The following ARHGEF2 variants were observed in gnomAD, a reference collection of about 807,000 sequenced individuals.
ARHGEF2 encodes the protein Rho/Rac guanine nucleotide exchange factor 2.
In ARHGEF2, 22 loss-of-function variants were observed where a neutral mutation model predicts 121.0. The ratio of observed to expected loss-of-function variants is 0.18; its 90% confidence interval spans 0.13 to 0.26. The LOEUF is 0.26. ARHGEF2 is among the 10% of genes least tolerant of loss of function. The pLI, the probability that ARHGEF2 is intolerant of heterozygous loss-of-function variation, is 1.00. For missense variants in ARHGEF2, 907 were observed against 1,336.0 expected, an observed-to-expected ratio of 0.68 and a Z score of 5.01; for synonymous variants, 487 against 530.0, an observed-to-expected ratio of 0.92 and a Z score of 1.11.
At chr1:155,952,591 T>C in intron 15 of ARHGEF2, 37 bp downstream of exon 15, 3 of 1,576,628 alleles carry the variant, frequency 1.9e-6, no homozygotes, top group Non-Finnish European at 2.6e-6. Flanking sequence ...TGACGGTGAG[T>C]GCTTGAGCCT....
At position 155,978,257 on chromosome 1, in the gene ARHGEF2, AT is replaced by A. The variant is rs1681687605; in HGVS notation, c.63+107del. 5 of 1,134,254 alleles carry A rather than the reference AT, an allele frequency of 4.4e-6. No homozygotes were observed. The highest frequency in any genetic ancestry group is 4.5e-6 in the Non-Finnish European group (4 of 893,286). The allele number at this position is 1,134,254 out of a possible 1,614,324, so 70.3% of individuals were successfully genotyped here. A position where few individuals can be genotyped will look rare whatever the true frequency, so the allele number is the denominator to read the frequency against. ...GCTCGCCGATCCACCGCTCCGCCCG[AT>A]TTTGGCGCCCAGAAAGCAGGCGGGG... On this transcript the variant is annotated intron_variant, in intron 1 of 21. Coordinates refer to ENST00000361247, the MANE Select transcript of ARHGEF2 (RefSeq NM_001162383.2). This position sits in a 1 kb window ranked among gnomAD's most constrained non-coding sequence, Gnocchi z 4.1.
chr1:155,978,410 G>A lies in ARHGEF2; in HGVS notation c.18C>T (p.Ser6=), dbSNP rs1681726757. The A allele has an allele frequency of 2.0e-6, 3 of 1,516,138 alleles. No homozygotes were observed. Among genetic ancestry groups the A allele is most frequent in the African/African-American group, 2.8e-5 (2 of 71,820 alleles). The allele number at this position is 1,516,138 out of a possible 1,614,324, so 93.9% of individuals were successfully genotyped here. ...TCCGGTCGATCCGCGCCCGCGTGAG[G>A]GATTCGATCCGAGACATAATCGGAC... The part of the protein sequence containing the change: MSRIE[S]LTRARIDRSR... Residue 6 remains serine, a synonymous_variant, in exon 1 of 22, where the codon TCC becomes TCT. Coordinates refer to ENST00000361247, the MANE Select transcript of ARHGEF2 (RefSeq NM_001162383.2). The surrounding 1 kb of genome is among the most constrained non-coding windows in gnomAD (Gnocchi z 4.1).
chr1:155,977,826 C>CT (rs1681569314), intron 1 of ARHGEF2, among the ~76,000 whole-genome samples: 1 of 152,170 alleles, frequency 6.6e-6, no homozygotes, highest in Non-Finnish European at 1.5e-5. Flanking sequence ...AGAGGAGGAG[C>CT]TGACTTTTGT....
intron 14 of ARHGEF2, 53 bp downstream of exon 14, chr1:155,954,849 C>A: frequency 6.6e-7 from 1 of 1,507,664 alleles, no homozygotes; most frequent in Non-Finnish European, 9.2e-7. Flanking sequence ...CATAATATTC[C>A]ATTGTGTGAA....
upstream of ARHGEF2, chr1:155,979,014 A>G: frequency 3.0e-6 from 3 of 985,528 alleles, no homozygotes; most frequent in Non-Finnish European, 3.6e-6. Context: ...CCATCAAAGC[A>G]GGCCTGAGCA....
Position 155,965,724 on chromosome 1 carries a change from G to C in ARHGEF2, c.377C>G (p.Pro126Arg). 6.2e-7 allele frequency: 1 copy of C among 1,603,718 alleles called. No individual in the cohort carries two copies. The highest frequency in any genetic ancestry group is 8.5e-7 in the Non-Finnish European group (1 of 1,177,598). Residue 126 changes from proline to arginine, a missense_variant, in exon 5 of 22, where the codon CCC (proline) becomes CGC (arginine). This residue lies in a region of ARHGEF2 where 475 missense variants were observed against 776.5 expected (regional missense o/e 0.61). Coordinates refer to ENST00000361247, the MANE Select transcript of ARHGEF2 (RefSeq NM_001162383.2). The surrounding 1 kb of genome is among the most constrained non-coding windows in gnomAD (Gnocchi z 6.0). ...GAGGGACTGCCGGAAGCTGTCGGAG[G>C]GGTAGATGGCCGAGCTTGGCCGCTC... ...IRERPSSAIYPSDSFRQSLLG... is the reference protein window; with the variant it reads ...IRERPSSAIYRSDSFRQSLLG...
In ARHGEF2 at chr1:155,962,754, C is replaced by A; in HGVS notation, c.976-36G>T. Reference sequence around the variant, plus strand: ...GTCGAGTAAGGTTAGGTCAGCATTCCCCCAAAGCCACACTTTACCCACTGG... The same window carrying A: ...GTCGAGTAAGGTTAGGTCAGCATTCACCCAAAGCCACACTTTACCCACTGG... On this transcript the variant is annotated intron_variant, in intron 8 of 21. Coordinates refer to ENST00000361247, the MANE Select transcript of ARHGEF2 (RefSeq NM_001162383.2). The surrounding 1 kb of genome is among the most constrained non-coding windows in gnomAD (Gnocchi z 5.8). 6.2e-7 allele frequency: 1 copy of A among 1,613,064 alleles called. No individual in the cohort carries two copies. Among genetic ancestry groups the A allele is most frequent in the South Asian group, 1.1e-5 (1 of 90,940 alleles).
At chr1:155,956,866 C>T (rs1357631432) in intron 13 of ARHGEF2, among the ~76,000 whole-genome samples, 4 of 128,298 alleles carry the variant, frequency 3.1e-5, no homozygotes, top group South Asian at 2.5e-4. Context: ...TGAGGCAGCC[C>T]GGCAACAGAG....
chr1:155,957,677 G>A (rs1419110821), intron 13 of ARHGEF2, 36 bp downstream of exon 13: 15 of 1,583,028 alleles, frequency 9.5e-6, no homozygotes, highest in African/African-American at 1.3e-5. Context: ...GTACCCTGAG[G>A]TCATAAGCAC....
In ARHGEF2 at chr1:155,950,275, T is replaced by G. The variant is rs781313202; in HGVS notation, c.2887+24A>C. ...TACCCAGGCTGCACTCTACCTCTGG[T>G]CCATGTCTCCGCCAGGGTCTCACCT... is the stretch of plus-strand genomic sequence containing the variant. On this transcript the variant is annotated intron_variant, in intron 21 of 21. Coordinates refer to ENST00000361247, the MANE Select transcript of ARHGEF2 (RefSeq NM_001162383.2). This position sits in a 1 kb window ranked among gnomAD's most constrained non-coding sequence, Gnocchi z 5.2. The G allele has an allele frequency of 8.1e-6, 13 of 1,609,040 alleles. No individual in the cohort carries two copies. The highest frequency in any genetic ancestry group is 1.3e-5 in the African/African-American group (1 of 74,864).
chr1:155,952,620 T>G lies in ARHGEF2; in HGVS notation c.1984+8A>C, dbSNP rs1013823206. ...TGAGCCTGGACTCTTCCCTGGGAGCTCCCTCACCCTCACGGATGGCATCCT... is the reference window on the plus strand; with the variant it reads ...TGAGCCTGGACTCTTCCCTGGGAGCGCCCTCACCCTCACGGATGGCATCCT... On this transcript the variant is annotated splice_region_variant and intron_variant, in intron 15 of 21. Coordinates refer to ENST00000361247, the MANE Select transcript of ARHGEF2 (RefSeq NM_001162383.2). 34 of 1,605,036 alleles carry G rather than the reference T, an allele frequency of 2.1e-5. No individual in the cohort carries two copies. The highest frequency in any genetic ancestry group is 1.9e-4 in the Admixed American group (11 of 59,426).
rs373544686 is a variant in ARHGEF2, at chr1:155,962,139, C to T, written c.1185G>A (p.Pro395=). The change falls in exon 10 of 22, where the codon CCG becomes CCA. Residue 395 remains proline (P), a synonymous_variant. Coordinates refer to ENST00000361247, the MANE Select transcript of ARHGEF2 (RefSeq NM_001162383.2). This position sits in a 1 kb window ranked among gnomAD's most constrained non-coding sequence, Gnocchi z 5.8. Reference sequence around the variant, plus strand: ...GCTGCAGGATGCGGCTGATGAGTAACGGGTACTTGGTGATGCGCTGAGTCA... The same window carrying T: ...GCTGCAGGATGCGGCTGATGAGTAATGGGTACTTGGTGATGCGCTGAGTCA... The part of the protein sequence containing the change: ...LLVTQRITKY[P]LLISRILQHS... 4.0e-4 allele frequency: 640 copies of T among 1,614,086 alleles called. No homozygotes were observed. The highest frequency in any genetic ancestry group is 4.9e-4 in the Non-Finnish European group (584 of 1,180,054).
In ARHGEF2 at chr1:155,947,638, C is replaced by T. The variant is rs1188651164; in HGVS notation, c.*304G>A. On this transcript the variant is annotated 3_prime_UTR_variant, in exon 22 of 22. Coordinates refer to ENST00000361247, the MANE Select transcript of ARHGEF2 (RefSeq NM_001162383.2). ...TGGCTTGGTTCCCATGTCCCTGGTC[C>T]TTTAAATCTCCCCTCTCCCCCCATA... 5.2e-6 allele frequency: 2 copies of T among 385,334 alleles called. No homozygotes were observed. Among genetic ancestry groups the T allele is most frequent in the African/African-American group, 2.1e-5 (1 of 48,540 alleles). 23.9% of individuals were successfully genotyped at this position (385,334 alleles called of 1,614,324 possible).
intron 7 of ARHGEF2, among the ~76,000 whole-genome samples, chr1:155,964,161 AAAAAAAATATATATATATATATATATAT>A (rs1678670049): frequency 1.7e-5 from 1 of 57,238 alleles, no homozygotes; most frequent in Non-Finnish European, 3.2e-5. Flanking sequence ...AAAAAAAAAA[AAAAAAAATATATATATATATATATATAT>A]ATATATATAC....
At chr1:155,970,678 G>A in intron 1 of ARHGEF2, 1 of 985,780 alleles carries the variant, frequency 1.0e-6, no homozygotes, top group Non-Finnish European at 1.2e-6. Context: ...CACGCCAGCA[G>A]CTGAGAGGTG....
intron 7 of ARHGEF2, among the ~76,000 whole-genome samples, chr1:155,964,167 A>AAAATAT (rs1553244640): frequency 6.6e-5 from 6 of 91,216 alleles, no homozygotes; most frequent in African/African-American, 3.0e-4. Context: ...AAAAAAAAAA[A>AAAATAT]ATATATATAT....
In ARHGEF2 at chr1:155,950,488, G is replaced by C. The variant is rs767261741; in HGVS notation, c.2704-6C>G. On this transcript the variant is annotated splice_region_variant and splice_polypyrimidine_tract_variant and intron_variant, in intron 20 of 21. Transcript: ENST00000361247. The surrounding 1 kb of genome is among the most constrained non-coding windows in gnomAD (Gnocchi z 5.2). Reference sequence around the variant, plus strand: ...CGGTCAGTGCCTCGGCTGGGCTGTGGACAGTGGGCAGGAAGAACAGCAGGT... The same window carrying C: ...CGGTCAGTGCCTCGGCTGGGCTGTGCACAGTGGGCAGGAAGAACAGCAGGT... 1.2e-5 allele frequency: 19 copies of C among 1,613,108 alleles called. No individual in the cohort carries two copies. The African/African-American group carries it at 2.5e-4, about 22-fold the overall frequency.
At position 155,965,441 on chromosome 1, in the gene ARHGEF2, C is replaced by T; in HGVS notation, c.471-29G>A. On this transcript the variant is annotated intron_variant, in intron 5 of 21. Transcript: ENST00000361247. The surrounding 1 kb of genome is among the most constrained non-coding windows in gnomAD (Gnocchi z 6.0). ...AAGAAAGTGGAGGCTGTCTGCATCACCCCCAGTCGGGCAAAAGATCCCTTC... is the reference window on the plus strand; with the variant it reads ...AAGAAAGTGGAGGCTGTCTGCATCATCCCCAGTCGGGCAAAAGATCCCTTC... 1.2e-6 allele frequency: 2 copies of T among 1,607,128 alleles called. No homozygotes were observed. Among genetic ancestry groups the T allele is most frequent in the Admixed American group, 1.7e-5 (1 of 59,980 alleles).
chr1:155,972,250 C>T (rs1269888387), intron 1 of ARHGEF2: 1 of 467,538 alleles, frequency 2.1e-6, no homozygotes, highest in Non-Finnish European at 4.4e-6. Context: ...CCTCCCAACA[C>T]TCACCCTCTC....
Sources: allele counts gnomAD v4.1 joint callset (sites outside exome capture counted in the v4.1 genomes callset), GRCh38; gene constraint gnomAD v4.1.1; regional missense constraint gnomAD v4.1.1; non-coding constraint Gnocchi (gnomAD v3.1); transcripts MANE v1.5; gene names NCBI Gene and HGNC (gene_info 2026-07-23, HGNC 2026-07-21).